The following MDGA2 variants were observed in gnomAD, a reference collection of about 807,000 sequenced individuals.
MDGA2 encodes MAM domain containing glycosylphosphatidylinositol anchor 2, also known as MAM domain-containing glycosylphosphatidylinositol anchor protein 2.
Under a neutral mutation model 117.8 loss-of-function variants are expected in MDGA2, and 40 were observed. The ratio of observed to expected loss-of-function variants is 0.34; its 90% CI spans 0.26 to 0.44. The LOEUF (loss-of-function observed/expected upper bound fraction) is 0.44, where lower values mean the gene tolerates loss of function less well. Among genes scored for constraint, MDGA2 ranks in the 20% least tolerant of loss-of-function variants. The pLI, the probability that MDGA2 is intolerant of heterozygous loss-of-function variation, is 1.00. For synonymous variants in MDGA2, 452 were observed against 439.0 expected (o/e 1.03, Z -0.37); for missense variants, 1,123 against 1,250.6 (o/e 0.90, Z 1.54).
At chr14:47,357,222 C>G (rs1891015033) in intron 1 of MDGA2, among the ~76,000 whole-genome samples, 2 of 152,136 alleles carry the variant, frequency 1.3e-5, no homozygotes, top group East Asian at 3.9e-4. Flanking sequence ...ATAACGAAAC[C>G]AACCACTATA....
chr14:47,350,311 G>A (rs569529005), intron 1 of MDGA2, among the ~76,000 whole-genome samples: 65 of 152,194 alleles, frequency 4.3e-4, no homozygotes, highest in Non-Finnish European at 7.9e-4. Context: ...TTTTCTGGGT[G>A]GAGTAATATT....
At chr14:46,999,003 A>T (rs1207160994) in intron 8 of MDGA2, among the ~76,000 whole-genome samples, 2 of 152,278 alleles carry the variant, frequency 1.3e-5, no homozygotes, top group East Asian at 3.9e-4. Flanking sequence ...ACTTGTCAAT[A>T]AAATGATAAA....
At chr14:47,383,057 A>G (rs1891672459) in intron 1 of MDGA2, among the ~76,000 whole-genome samples, 2 of 152,182 alleles carry the variant, frequency 1.3e-5, no homozygotes. Flanking sequence ...CTTTGTAGGG[A>G]CATGGATGAT....
chr14:47,278,975 G>T (rs753256740), intron 2 of MDGA2, among the ~76,000 whole-genome samples: 20 of 152,080 alleles, frequency 1.3e-4, no homozygotes, highest in Non-Finnish European at 2.6e-4. Context: ...AAACTGCATA[G>T]TATTCTGCTT....
chr14:46,850,852 A>G (rs1305450695), intron 15 of MDGA2, among the ~76,000 whole-genome samples: 1 of 151,840 alleles, frequency 6.6e-6, no homozygotes, highest in Non-Finnish European at 1.5e-5. Context: ...GGGAAAGACA[A>G]AGAAATGCAT....
At chr14:46,845,660 C>G in intron 16 of MDGA2, 106 bp downstream of exon 16, 2 of 669,518 alleles carry the variant, frequency 3.0e-6, no homozygotes, top group Non-Finnish European at 4.9e-6. Flanking sequence ...TCTAAATAAA[C>G]CAACTAAAAA....
chr14:47,194,702 T>C (rs1014776923), intron 3 of MDGA2, among the ~76,000 whole-genome samples: 2 of 152,028 alleles, frequency 1.3e-5, no homozygotes, highest in African/African-American at 4.8e-5. Context: ...ATATGATGCT[T>C]TAAGTTATCC....
At chr14:46,919,893 C>A in intron 10 of MDGA2, 119 bp downstream of exon 10, 2 of 850,270 alleles carry the variant, frequency 2.4e-6, no homozygotes, top group Non-Finnish European at 3.4e-6. Context: ...TATCTATATA[C>A]AGAAACACAT....
chr14:47,188,525 G>A (rs1355654744), intron 3 of MDGA2, among the ~76,000 whole-genome samples: 1 of 152,168 alleles, frequency 6.6e-6, no homozygotes, highest in Admixed American at 6.5e-5. Context: ...ACAGCCTTAC[G>A]TGAGACTCTA....
At chr14:47,097,396 A>G (rs1387096149) in intron 5 of MDGA2, among the ~76,000 whole-genome samples, 1 of 152,066 alleles carries the variant, frequency 6.6e-6, no homozygotes, top group African/African-American at 2.4e-5. Flanking sequence ...AATTGGAATA[A>G]TAAGCATGAT....
chr14:47,126,310 G>A (rs1881899811), intron 5 of MDGA2, among the ~76,000 whole-genome samples: 1 of 151,968 alleles, frequency 6.6e-6, no homozygotes, highest in Non-Finnish European at 1.5e-5. Flanking sequence ...CCTAAGCACT[G>A]TGTCAATTGG....
At chr14:46,960,908 AAT>A (rs1885778314) in intron 8 of MDGA2, among the ~76,000 whole-genome samples, 1 of 147,034 alleles carries the variant, frequency 6.8e-6, no homozygotes, top group Admixed American at 6.9e-5. Context: ...ATATATATTT[AAT>A]GTTTTATATA....
intron 9 of MDGA2, among the ~76,000 whole-genome samples, chr14:46,922,063 C>T (rs1459214437): frequency 6.6e-6 from 1 of 151,816 alleles, no homozygotes; most frequent in African/African-American, 2.4e-5. Context: ...GAAGAGAATA[C>T]AGGGACAACT....
At chr14:46,854,935 G>A in intron 15 of MDGA2, 89 bp downstream of exon 15, 2 of 1,182,228 alleles carry the variant, frequency 1.7e-6, no homozygotes, top group East Asian at 2.6e-5. Flanking sequence ...TGGAATTTCT[G>A]AATATTCATA....
At chr14:47,315,076 A>C (rs539705964) in intron 1 of MDGA2, among the ~76,000 whole-genome samples, 63 of 152,130 alleles carry the variant, frequency 4.1e-4, no homozygotes, top group African/African-American at 1.5e-3. Context: ...TTTTTTGTAC[A>C]ATGAGCACAT....
intron 1 of MDGA2, among the ~76,000 whole-genome samples, chr14:47,514,139 G>A (rs894832780): frequency 5.9e-5 from 9 of 152,030 alleles, no homozygotes; most frequent in Non-Finnish European, 7.4e-5. Flanking sequence ...TTTTCAATTC[G>A]TTTGTTTTGT....
chr14:46,926,844 A>G (rs1279648816), intron 9 of MDGA2, among the ~76,000 whole-genome samples: 2 of 152,186 alleles, frequency 1.3e-5, no homozygotes, highest in African/African-American at 4.8e-5. Context: ...GCAGGAAACT[A>G]GTAAAAAAAT....
rs1566504353 is a variant in MDGA2, at chr14:47,537,573, T to TAAAAAAAAAAAAAAAAAAA, written c.280+136943_280+136944insTTTTTTTTTTTTTTTTTTT. 3.9e-4 allele frequency among the ~76,000 whole-genome samples: 22 copies of TAAAAAAAAAAAAAAAAAAA among 57,110 alleles called. 3 individuals carry two copies. Among genetic ancestry groups the TAAAAAAAAAAAAAAAAAAA allele is most frequent in the Non-Finnish European group, 6.2e-4 (18 of 29,090 alleles). 37.5% of individuals were successfully genotyped at this position (57,110 alleles called of 152,430 possible). On this transcript the variant is annotated intron_variant, in intron 1 of 16. Transcript: ENST00000399232. The stretch of plus-strand genomic sequence containing the variant: ...ATTATCCACTGTTACCTTCTCTCTG[T>TAAAAAAAAAAAAAAAAAAA]TAAAAAAAAAAAAAAAAAAAAAAAA...
At chr14:47,498,537 C>T (rs530919087) in intron 1 of MDGA2, among the ~76,000 whole-genome samples, 1 of 152,214 alleles carries the variant, frequency 6.6e-6, no homozygotes, top group African/African-American at 2.4e-5. Flanking sequence ...TCTTTCCCAT[C>T]ATTATAGGTA....
Sources: allele counts gnomAD v4.1 joint callset (sites outside exome capture counted in the v4.1 genomes callset), GRCh38; gene constraint gnomAD v4.1.1; transcripts MANE v1.5; gene names NCBI Gene and HGNC (gene_info 2026-07-23, HGNC 2026-07-21).